The following CTNNA2 variants were observed in gnomAD, a reference collection of about 807,000 sequenced individuals.
CTNNA2 encodes the protein catenin alpha-2.
Under a neutral mutation model 101.0 loss-of-function variants are expected in CTNNA2, and 42 were observed. That is an observed-to-expected ratio of 0.42 (90% CI 0.32 to 0.54). The LOEUF (loss-of-function observed/expected upper bound fraction) is 0.54, where lower values mean the gene tolerates loss of function less well. Ranked by LOEUF, CTNNA2 falls within the 20% of genes least tolerant of loss-of-function variation. The pLI is 0.14. For synonymous variants in CTNNA2, 450 were observed against 456.4 expected, an observed-to-expected ratio of 0.99 and a Z score of 0.18; for missense variants, 871 against 1,223.1, an observed-to-expected ratio of 0.71 and a Z score of 4.29.
intron 7 of CTNNA2, among the ~76,000 whole-genome samples, chr2:80,038,303 T>G (rs1558750324): frequency 1.3e-5 from 2 of 151,678 alleles, no homozygotes; most frequent in Non-Finnish European, 2.9e-5. Flanking sequence ...TGGGGAGAAG[T>G]TTTTATAATT....
chr2:79,237,126 G>C lies in CTNNA2; in HGVS notation c.-406+39050G>C, dbSNP rs1674567524. Reference sequence around the variant, plus strand: ...CCTTATGAAATGTATTTTTTAAATAGTCAGACCTGAAAGTCAAAATTAACT... The same window carrying C: ...CCTTATGAAATGTATTTTTTAAATACTCAGACCTGAAAGTCAAAATTAACT... On this transcript the variant is annotated intron_variant, in intron 2 of 21. Transcript: ENST00000466387. Among the ~76,000 whole-genome samples the C allele has an allele frequency of 2.0e-5, 3 of 152,288 alleles. No individual in the cohort carries two copies. The South Asian group carries it at 6.2e-4, about 32-fold the overall frequency.
chr2:79,383,592 G>C (rs77240469), intron 4 of CTNNA2, among the ~76,000 whole-genome samples: 65 of 152,274 alleles, frequency 4.3e-4, no homozygotes, highest in African/African-American at 1.5e-3. Flanking sequence ...ACATGGCATA[G>C]TGCGTATGCA....
chr2:79,509,984 A>G (rs1671500792), upstream of CTNNA2, among the ~76,000 whole-genome samples: 1 of 152,222 alleles, frequency 6.6e-6, no homozygotes, highest in Non-Finnish European at 1.5e-5. Flanking sequence ...GAGCTGACAG[A>G]CTGAATTAGG....
chr2:80,538,429 T>C (rs1691239598), intron 9 of CTNNA2, among the ~76,000 whole-genome samples: 1 of 152,162 alleles, frequency 6.6e-6, no homozygotes, highest in African/African-American at 2.4e-5. Context: ...GTCCAGTTTC[T>C]GTTTTCTGCA....
chr2:79,604,010 G>A lies in CTNNA2; in HGVS notation c.-5-47542G>A, dbSNP rs76425911. On this transcript the variant is annotated intron_variant, in intron 1 of 18. Transcript: ENST00000402739. ...TGACTTGGGGGACAGCAGTGAAATA[G>A]GATGAAGATGTATGAATCCTATGAT... Among the ~76,000 whole-genome samples, 572 of 152,310 alleles carry A rather than the reference G, an allele frequency of 3.8e-3. 1 individual carries two copies. Among genetic ancestry groups the A allele is most frequent in the African/African-American group, 0.013 (552 of 41,574 alleles).
chr2:79,211,578 G>A (rs1230523518), intron 2 of CTNNA2, among the ~76,000 whole-genome samples: 3 of 152,160 alleles, frequency 2.0e-5, no homozygotes, highest in Non-Finnish European at 2.9e-5. Flanking sequence ...GAGCTTTTGA[G>A]TCAGGATGAG....
intron 7 of CTNNA2, among the ~76,000 whole-genome samples, chr2:80,170,987 T>A (rs1705014233): frequency 6.6e-6 from 1 of 152,220 alleles, no homozygotes; most frequent in Admixed American, 6.5e-5. Context: ...TGCTGGGAAT[T>A]CTTGGGCATT....
intron 7 of CTNNA2, among the ~76,000 whole-genome samples, chr2:80,069,263 C>T (rs1046995105): frequency 3.3e-5 from 5 of 152,168 alleles, no homozygotes; most frequent in Non-Finnish European, 7.3e-5. Context: ...TTCTTCTTTA[C>T]TCAGACTACC....
intron 2 of CTNNA2, among the ~76,000 whole-genome samples, chr2:79,657,608 T>A (rs1364074047): frequency 6.6e-6 from 1 of 151,760 alleles, no homozygotes; most frequent in Non-Finnish European, 1.5e-5. Flanking sequence ...AAAGTTTAAG[T>A]CACATTCTAA....
At chr2:80,450,508 T>C (rs943064678) in intron 9 of CTNNA2, among the ~76,000 whole-genome samples, 6 of 152,190 alleles carry the variant, frequency 3.9e-5, no homozygotes, top group African/African-American at 1.4e-4. Flanking sequence ...AAAAGTGGAT[T>C]TGTCATTTCT....
chr2:79,921,961 A>G (rs1159753187), intron 7 of CTNNA2, among the ~76,000 whole-genome samples: 1 of 152,132 alleles, frequency 6.6e-6, no homozygotes, highest in Non-Finnish European at 1.5e-5. Context: ...AAATGATAAA[A>G]TCTCCAGGGA....
At chr2:79,871,495 T>C (rs1406617280) in intron 5 of CTNNA2, among the ~76,000 whole-genome samples, 1 of 152,128 alleles carries the variant, frequency 6.6e-6, no homozygotes, top group East Asian at 1.9e-4. Context: ...GGTGTTCTGA[T>C]GTCCAAAGGC....
intron 9 of CTNNA2, among the ~76,000 whole-genome samples, chr2:80,474,123 G>T (rs1281129695): frequency 6.6e-6 from 1 of 152,040 alleles, no homozygotes; most frequent in Non-Finnish European, 1.5e-5. Flanking sequence ...GTTTCTTAAT[G>T]GTAGAGACCT....
intron 7 of CTNNA2, among the ~76,000 whole-genome samples, chr2:80,182,742 C>T (rs1011529361): frequency 2.0e-5 from 3 of 152,060 alleles, no homozygotes; most frequent in African/African-American, 2.4e-5. Flanking sequence ...ATTTTTATGG[C>T]GAAAAAGCCA....
chr2:80,309,597 T>C (rs1257360179), intron 7 of CTNNA2, among the ~76,000 whole-genome samples: 1 of 152,222 alleles, frequency 6.6e-6, no homozygotes, highest in Non-Finnish European at 1.5e-5. Flanking sequence ...GGGCTAAGGA[T>C]GGCTATCTCA....
At chr2:80,535,016 A>G (rs1484649270) in intron 9 of CTNNA2, among the ~76,000 whole-genome samples, 2 of 152,232 alleles carry the variant, frequency 1.3e-5, no homozygotes, top group African/African-American at 4.8e-5. Context: ...TATAAAATCT[A>G]TAAAATATTT....
intron 4 of CTNNA2, among the ~76,000 whole-genome samples, chr2:79,387,114 C>A (rs1395087768): frequency 6.6e-6 from 1 of 152,134 alleles, no homozygotes; most frequent in Non-Finnish European, 1.5e-5. Flanking sequence ...TCAGGCTGAC[C>A]TTTCTGTCTA....
chr2:79,227,480 G>A (rs1674435159), intron 2 of CTNNA2, among the ~76,000 whole-genome samples: 1 of 151,974 alleles, frequency 6.6e-6, no homozygotes, highest in Non-Finnish European at 1.5e-5. Context: ...AAGCCCTCTG[G>A]ATGAAAAATA....
intron 8 of CTNNA2, among the ~76,000 whole-genome samples, chr2:80,408,714 G>C (rs909561851): frequency 6.6e-6 from 1 of 152,178 alleles, no homozygotes; most frequent in Admixed American, 6.5e-5. Flanking sequence ...ATAAGGCTGG[G>C]AGTAAGTAAT....
Sources: gnomAD v4.1 joint callset for allele counts (sites outside exome capture counted in the v4.1 genomes callset) on GRCh38, gnomAD v4.1.1 for gene constraint, MANE v1.5 for transcripts, NCBI Gene and HGNC (gene_info 2026-07-23, HGNC 2026-07-21) for gene names.